The following IFNLR1 variants were observed in gnomAD, a reference collection of about 807,000 sequenced individuals.
IFNLR1 encodes CRF2-12.
Under a neutral mutation model 52.5 loss-of-function variants are expected in IFNLR1, and 28 were observed. That is an observed-to-expected ratio of 0.53 (90% confidence interval 0.40 to 0.73). IFNLR1 has a LOEUF of 0.73. Ranked by LOEUF, IFNLR1 falls within the 30% of genes least tolerant of loss-of-function variation. The probability of loss-of-function intolerance (pLI) is 0.00; values close to 1 mark genes in which losing one functional copy is unlikely to be tolerated. For synonymous variants in IFNLR1, 276 were observed against 274.9 expected, an observed-to-expected ratio of 1.00 and a Z score of -0.04; for missense variants, 623 against 659.1, an observed-to-expected ratio of 0.95 and a Z score of 0.60.
intron 4 of IFNLR1, among the ~76,000 whole-genome samples, chr1:24,160,465 T>C (rs1416835): frequency 0.55 from 83,364 of 152,162 alleles, 23,378 homozygotes; most frequent in Middle Eastern, 0.6. Context: ...TCGATTTACC[T>C]GTCTCTTTTT....
At chr1:24,187,110 A>G in intron 1 of IFNLR1, 81 bp downstream of exon 1, 1 of 950,810 alleles carries the variant, frequency 1.1e-6, no homozygotes, top group Non-Finnish European at 1.4e-6. Context: ...TGCCTGTCCC[A>G]GGAGCTCCGG....
intron 3 of IFNLR1, 131 bp downstream of exon 3, chr1:24,169,286 G>T: frequency 2.5e-6 from 2 of 806,466 alleles, no homozygotes; most frequent in Non-Finnish European, 3.9e-6. Context: ...AAAGGGCCTG[G>T]CCCAGGGAGC....
At position 24,154,190 on chromosome 1, in the gene IFNLR1, C is replaced by T. The variant is rs575672719; in HGVS notation, c.*2940G>A. 6.6e-6 allele frequency: 1 copy of T among 151,732 alleles called. No individual in the cohort carries two copies. Among genetic ancestry groups the T allele is most frequent in the South Asian group, 2.1e-4 (1 of 4,808 alleles). 9.4% of individuals were successfully genotyped at this position (151,732 alleles called of 1,614,324 possible). On this transcript the variant is annotated 3_prime_UTR_variant, in exon 7 of 7. Coordinates refer to ENST00000327535, the MANE Select transcript of IFNLR1 (RefSeq NM_170743.4). Reference sequence around the variant, plus strand: ...ACCTTTTTTCTTTAAAAATAGAGCTCTTTATTTAAACAGTTTAGGGTAATA... The same window carrying T: ...ACCTTTTTTCTTTAAAAATAGAGCTTTTTATTTAAACAGTTTAGGGTAATA...
Position 24,157,184 on chromosome 1 carries a change from G to T in IFNLR1, c.1509C>A (p.Ser503Arg). ...DSDAGSWGAE[S>R]TQRTEDRGRT... ...GGCCCCTGTCCTCGGTCCTCTGGGT[G>T]CTCTCAGCCCCCCAGCTGCCCGCAT... Residue 503 changes from serine (S) to arginine (R), a missense_variant, in exon 7 of 7, where the codon AGC becomes AGA. Transcript: ENST00000327535. The surrounding 1 kb of genome is among the most constrained non-coding windows in gnomAD (Gnocchi z 5.1). 3.1e-6 allele frequency: 5 copies of T among 1,614,088 alleles called. No homozygotes were observed. The highest frequency in any genetic ancestry group is 3.4e-6 in the Non-Finnish European group (4 of 1,180,012).
At chr1:24,162,872 TTTCTTTCCTTCCTTCC>T (rs1644474244) in intron 3 of IFNLR1, among the ~76,000 whole-genome samples, 48 of 40,134 alleles carry the variant, frequency 1.2e-3, no homozygotes, top group South Asian at 3.4e-3. Flanking sequence ...TCTTTCTTTC[TTTCTTTCCTTCCTTCC>T]TTCCTTCCTT....
At chr1:24,167,296 C>G (rs899379249) in intron 3 of IFNLR1, among the ~76,000 whole-genome samples, 3 of 152,208 alleles carry the variant, frequency 2.0e-5, no homozygotes, top group African/African-American at 7.2e-5. Context: ...CACAAGCTTT[C>G]CTGGTTGTCC....
At position 24,169,473 on chromosome 1, in the gene IFNLR1, G is replaced by T. The variant is rs1644555284; in HGVS notation, c.311C>A (p.Ser104Tyr). The part of the protein sequence containing the change: ...NKFKGRVRTV[S>Y]PSSKSPWVES... ...CACCCAGGGGGACTTGGAGCTGGGA[G>T]AAACCGTCCGCACGCGTCCCTTGAA... Residue 104 changes from serine to tyrosine, a missense_variant, in exon 3 of 7, where the codon TCT (serine) becomes TAT (tyrosine). Transcript: ENST00000327535. The T allele has an allele frequency of 6.2e-7, 1 of 1,614,118 alleles. No homozygotes were observed. The highest frequency in any genetic ancestry group is 1.3e-5 in the African/African-American group (1 of 74,942).
At chr1:24,180,680 C>CCCCCCCCCCCCCCCCTCATACCAAA in intron 2 of IFNLR1, 51 bp downstream of exon 2, 1 of 1,180,758 alleles carries the variant, frequency 8.5e-7, no homozygotes, top group Non-Finnish European at 1.2e-6. Context: ...CCTCCAGCCC[C>CCCCCCCCCCCCCCCCTCATACCAAA]CACCCACCCC....
intron 1 of IFNLR1, among the ~76,000 whole-genome samples, chr1:24,184,468 G>GTGGCC (rs745321892): frequency 7.2e-5 from 11 of 152,162 alleles, no homozygotes; most frequent in South Asian, 4.2e-4. Flanking sequence ...CCTGCCTGAC[G>GTGGCC]TGGCCTGGCC....
intron 2 of IFNLR1, among the ~76,000 whole-genome samples, chr1:24,170,548 C>T (rs1167058419): frequency 6.6e-6 from 1 of 152,112 alleles, no homozygotes; most frequent in East Asian, 1.9e-4. Context: ...TTAGTAGAGA[C>T]AGGGTTTCAC....
rs116722436 is a variant in IFNLR1, at chr1:24,157,705, C to T, written c.988G>A (p.Asp330Asn). Residue 330 changes from aspartate to asparagine, a missense_variant, in exon 7 of 7, where the codon GAT becomes AAT. Asp to Asn is a conservative substitution (Grantham distance 23, BLOSUM62 1). Transcript: ENST00000327535. The surrounding 1 kb of genome is among the most constrained non-coding windows in gnomAD (Gnocchi z 5.1). ...ACGCCATCTTCTGTGTCCTCCTCAT[C>T]CTCCTCCTCTTCGTCCTCTGCAAGG... ...KDLAEDEEEE[D>N]EEDTEDGVSF... is the part of the protein sequence containing the mutation. 677 of 1,613,996 alleles carry T rather than the reference C, an allele frequency of 4.2e-4. 8 individuals carry two copies. The African/African-American group carries it at 8.2e-3, about 20-fold the overall frequency.
In IFNLR1 at chr1:24,172,534, T is replaced by G. The variant is rs1418083541; in HGVS notation, c.183-2933A>C. 3.3e-5 allele frequency among the ~76,000 whole-genome samples: 5 copies of G among 151,902 alleles called. No individual in the cohort carries two copies. The East Asian group carries it at 5.8e-4, about 18-fold the overall frequency. On this transcript the variant is annotated intron_variant, in intron 2 of 6. Coordinates refer to ENST00000327535, the MANE Select transcript of IFNLR1 (RefSeq NM_170743.4). Reference sequence around the variant, plus strand: ...AATCAGAAGGAATACAAGAACAAATTAACACAATAGATGATGCCTTAAAAG... The same window carrying G: ...AATCAGAAGGAATACAAGAACAAATGAACACAATAGATGATGCCTTAAAAG...
chr1:24,167,789 G>T (rs1644534875), intron 3 of IFNLR1, among the ~76,000 whole-genome samples: 1 of 151,940 alleles, frequency 6.6e-6, no homozygotes, highest in Admixed American at 6.6e-5. Context: ...CTGCCTCCTG[G>T]GTTCACGCCA....
intron 3 of IFNLR1, among the ~76,000 whole-genome samples, chr1:24,163,634 C>T (rs1057111631): frequency 7.3e-5 from 11 of 150,632 alleles, no homozygotes; most frequent in African/African-American, 2.2e-4. Flanking sequence ...GGCTGGAGTG[C>T]AATGGCGTGA....
chr1:24,161,779 A>C (rs1644446857), intron 3 of IFNLR1, 95 bp from the exon 4 acceptor site: 1 of 1,268,388 alleles, frequency 7.9e-7, no homozygotes. Flanking sequence ...TGGAAAAGCA[A>C]CTAGCATGTT....
Position 24,186,701 on chromosome 1 carries a change from AAAC to A in IFNLR1, c.58+487_58+489del, listed in dbSNP as rs897124248. On this transcript the variant is annotated intron_variant, in intron 1 of 6. Transcript: ENST00000327535. ...CAACAACAACAACAAAACAACAACA[AAAC>A]AACAACCACCACCAAAAGAAAGCCG... Among the ~76,000 whole-genome samples, 97 of 152,292 alleles carry A rather than the reference AAAC, an allele frequency of 6.4e-4. 1 individual carries two copies. Among genetic ancestry groups the A allele is most frequent in the Non-Finnish European group, 8.8e-5 (6 of 68,032 alleles).
Position 24,156,951 on chromosome 1 carries a change from G to A in IFNLR1, c.*179C>T, listed in dbSNP as rs1644384689. On this transcript the variant is annotated 3_prime_UTR_variant, in exon 7 of 7. Transcript: ENST00000327535. Reference sequence around the variant, plus strand: ...AGCCTAAAGAGGGCGGGTCACAGGAGGGAGGGGCATCTTGTTGCTCAGCCC... The same window carrying A: ...AGCCTAAAGAGGGCGGGTCACAGGAAGGAGGGGCATCTTGTTGCTCAGCCC... The A allele has an allele frequency of 1.5e-6, 1 of 660,942 alleles. No homozygotes were observed. Among genetic ancestry groups the A allele is most frequent in the Admixed American group, 2.9e-5 (1 of 34,736 alleles). The allele number at this position is 660,942 out of a possible 1,614,324, so 40.9% of individuals were successfully genotyped here. A position where few individuals can be genotyped will look rare whatever the true frequency, so the allele number is the denominator to read the frequency against.
Position 24,169,606 on chromosome 1 carries a change from G to C in IFNLR1, c.183-5C>G. 2 of 1,611,632 alleles carry C rather than the reference G, an allele frequency of 1.2e-6. No individual in the cohort carries two copies. Among genetic ancestry groups the C allele is most frequent in the Non-Finnish European group, 1.7e-6 (2 of 1,178,748 alleles). The stretch of plus-strand genomic sequence containing the variant: ...CACCGTCTACGGGTGGGAGAGCTGG[G>C]GGAGGAGAGAGGAGAGCTTGGGCCA... On this transcript the variant is annotated splice_polypyrimidine_tract_variant and splice_region_variant and intron_variant, in intron 2 of 6. Coordinates refer to ENST00000327535, the MANE Select transcript of IFNLR1 (RefSeq NM_170743.4).
chr1:24,170,392 G>T (rs1451835630), intron 2 of IFNLR1, among the ~76,000 whole-genome samples: 1 of 152,180 alleles, frequency 6.6e-6, no homozygotes, highest in African/African-American at 2.4e-5. Flanking sequence ...ATGGAGTCTT[G>T]TTCTGTTGCC....
Sources: allele counts gnomAD v4.1 joint callset (sites outside exome capture counted in the v4.1 genomes callset), GRCh38; gene constraint gnomAD v4.1.1; non-coding constraint Gnocchi (gnomAD v3.1); transcripts MANE v1.5; gene names NCBI Gene and HGNC (gene_info 2026-07-23, HGNC 2026-07-21).